The following AFG2A variants were observed in gnomAD, a reference collection of about 807,000 sequenced individuals.
AFG2A encodes the protein ATPase family gene 2 protein homolog A.
the AFG2A span, among the ~76,000 whole-genome samples, chr4:122,965,086 C>T: frequency 1.3e-5 from 2 of 152,224 alleles, no homozygotes; most frequent in African/African-American, 4.8e-5. Flanking sequence ...ATTTTATGCT[C>T]AACTTTTAGA....
chr4:123,145,469 A>C, the AFG2A span, among the ~76,000 whole-genome samples: 2 of 152,168 alleles, frequency 1.3e-5, no homozygotes, highest in African/African-American at 4.8e-5. Context: ...ATAGTAGCAA[A>C]TAATGCACTT....
chr4:123,303,406 A>G, the AFG2A span, among the ~76,000 whole-genome samples: 1 of 152,222 alleles, frequency 6.6e-6, no homozygotes, highest in African/African-American at 2.4e-5. Context: ...AGGCTTCACC[A>G]TGCAAGTTTA....
chr4:123,143,781 C>G, the AFG2A span, among the ~76,000 whole-genome samples: 1 of 149,640 alleles, frequency 6.7e-6, no homozygotes, highest in African/African-American at 2.5e-5. Flanking sequence ...TAAAAATACT[C>G]CTGAACCCAA....
the AFG2A span, among the ~76,000 whole-genome samples, chr4:123,196,289 G>A: frequency 6.7e-6 from 1 of 148,870 alleles, no homozygotes; most frequent in Non-Finnish European, 1.5e-5. Flanking sequence ...GATTACAGGT[G>A]TGAGCCACCG....
At chr4:123,084,413 A>G in the AFG2A span, among the ~76,000 whole-genome samples, 1 of 151,866 alleles carries the variant, frequency 6.6e-6, no homozygotes, top group Non-Finnish European at 1.5e-5. Flanking sequence ...CTTCTCTAAT[A>G]TATACTCTCA....
the AFG2A span, among the ~76,000 whole-genome samples, chr4:123,258,985 G>A: frequency 6.7e-6 from 1 of 149,934 alleles, no homozygotes. Flanking sequence ...TCCTGCCTCA[G>A]CCTCCCAAGT....
At chr4:123,162,846 C>T in the AFG2A span, among the ~76,000 whole-genome samples, 1 of 152,036 alleles carries the variant, frequency 6.6e-6, no homozygotes, top group Non-Finnish European at 1.5e-5. Context: ...GTTTAATCAT[C>T]TATAAAACAA....
the AFG2A span, among the ~76,000 whole-genome samples, chr4:123,253,651 A>G: frequency 0.54 from 81,589 of 151,934 alleles, 25,335 homozygotes; most frequent in Non-Finnish European, 0.67. Flanking sequence ...CTCTGTCTCA[A>G]AAAAATAAAA....
At chr4:123,188,356 T>G in the AFG2A span, among the ~76,000 whole-genome samples, 2 of 152,210 alleles carry the variant, frequency 1.3e-5, no homozygotes. Context: ...CCTTATTTGC[T>G]TGTAAATATC....
the AFG2A span, among the ~76,000 whole-genome samples, chr4:123,245,596 A>AT: frequency 5.3e-5 from 8 of 151,766 alleles, no homozygotes; most frequent in African/African-American, 1.7e-4. Flanking sequence ...TGCATGCTAA[A>AT]TTTTTTTTTC....
chr4:122,983,077 A>G, the AFG2A span, among the ~76,000 whole-genome samples: 3 of 152,000 alleles, frequency 2.0e-5, no homozygotes, highest in African/African-American at 7.2e-5. Flanking sequence ...CATGTTGGTC[A>G]GGCTGGTCTC....
the AFG2A span, among the ~76,000 whole-genome samples, chr4:123,075,091 A>T: frequency 6.7e-6 from 1 of 149,464 alleles, no homozygotes; most frequent in South Asian, 2.2e-4. Flanking sequence ...TTACAGGTGC[A>T]TGCCACCATG....
At chr4:123,156,699 C>G in the AFG2A span, among the ~76,000 whole-genome samples, 1 of 149,200 alleles carries the variant, frequency 6.7e-6, no homozygotes, top group Non-Finnish European at 1.5e-5. Flanking sequence ...CACAAACCAA[C>G]CTCTTTGTAA....
the AFG2A span, among the ~76,000 whole-genome samples, chr4:123,121,097 G>A: frequency 2.3e-3 from 350 of 151,810 alleles, no homozygotes; most frequent in African/African-American, 7.9e-3. Flanking sequence ...TTGTGTCTTC[G>A]TTTTTAGCAA....
At chr4:123,155,524 G>C in the AFG2A span, among the ~76,000 whole-genome samples, 2 of 151,500 alleles carry the variant, frequency 1.3e-5, no homozygotes, top group Non-Finnish European at 2.9e-5. Context: ...TGTATCTTTT[G>C]CTTTTGCATC....
the AFG2A span, among the ~76,000 whole-genome samples, chr4:123,012,958 T>A: frequency 6.6e-6 from 1 of 152,152 alleles, no homozygotes; most frequent in Admixed American, 6.5e-5. Context: ...ATTTCACTCG[T>A]GTCTGTGTGA....
chr4:122,940,131 C>A, the AFG2A span, among the ~76,000 whole-genome samples: 4 of 152,090 alleles, frequency 2.6e-5, no homozygotes, highest in African/African-American at 9.7e-5. Context: ...ATTTATAGTC[C>A]TTTGAGTATA....
the AFG2A span, among the ~76,000 whole-genome samples, chr4:123,239,481 C>T: frequency 6.6e-6 from 1 of 152,308 alleles, no homozygotes; most frequent in African/African-American, 2.4e-5. Flanking sequence ...AACAGCGGCT[C>T]TCTCGGGCAG....
chr4:123,313,535 A>T, the AFG2A span, among the ~76,000 whole-genome samples: 1 of 152,212 alleles, frequency 6.6e-6, no homozygotes, highest in Non-Finnish European at 1.5e-5. Flanking sequence ...CCACATAGAG[A>T]CATGCATCCT....
Sources: allele counts gnomAD v4.1 joint callset (sites outside exome capture counted in the v4.1 genomes callset), GRCh38; gene constraint gnomAD v4.1.1; transcripts MANE v1.5; gene names NCBI Gene and HGNC (gene_info 2026-07-23, HGNC 2026-07-21).